MAN2A1: variants seen among roughly 807,000 people sequenced by gnomAD.
The protein encoded by MAN2A1 is mannosidase alpha class 2A member 1, also known as alpha-mannosidase 2.
A neutral mutation model predicts 142.6 loss-of-function variants in MAN2A1; 76 were observed. The ratio of observed to expected loss-of-function variants is 0.53; its 90% CI spans 0.44 to 0.65. MAN2A1 has a LOEUF of 0.65. Ranked by LOEUF, MAN2A1 falls within the 30% of genes least tolerant of loss-of-function variation. The probability of loss-of-function intolerance (pLI) is 0.00; values close to 1 mark genes in which losing one functional copy is unlikely to be tolerated. For missense variants in MAN2A1, 1,311 were observed against 1,365.1 expected (o/e 0.96, Z 0.62); for synonymous variants, 559 against 473.2 (o/e 1.18, Z -2.35).
chr5:109,815,846 C>G (rs1251700024), intron 12 of MAN2A1, among the ~76,000 whole-genome samples: 1 of 152,180 alleles, frequency 6.6e-6, no homozygotes, highest in Non-Finnish European at 1.5e-5. Context: ...TGTTATCCAA[C>G]TATTCAGTGT....
At chr5:109,787,073 A>G (rs1256940816) in intron 10 of MAN2A1, among the ~76,000 whole-genome samples, 2 of 152,088 alleles carry the variant, frequency 1.3e-5, no homozygotes, top group African/African-American at 4.8e-5. Flanking sequence ...TAATCATGGC[A>G]TGAAAAAAAT....
chr5:109,832,168 T>C (rs1446118975), intron 16 of MAN2A1, among the ~76,000 whole-genome samples: 2 of 144,774 alleles, frequency 1.4e-5, no homozygotes, highest in African/African-American at 2.5e-5. Flanking sequence ...TTTCTTTTTT[T>C]TTTTTTTTTT....
At chr5:109,736,184 A>AAC (rs753023346) in intron 4 of MAN2A1, among the ~76,000 whole-genome samples, 11 of 151,872 alleles carry the variant, frequency 7.2e-5, no homozygotes, top group Non-Finnish European at 1.2e-4. Context: ...TGCATGCATA[A>AAC]ACACACACAC....
intron 4 of MAN2A1, among the ~76,000 whole-genome samples, chr5:109,738,240 T>C (rs1320577523): frequency 6.6e-6 from 1 of 151,100 alleles, no homozygotes; most frequent in African/African-American, 2.4e-5. Context: ...TATGTTTTTT[T>C]TTTTTTTTTT....
intron 12 of MAN2A1, among the ~76,000 whole-genome samples, chr5:109,816,298 T>C (rs1754456807): frequency 6.6e-6 from 1 of 152,268 alleles, no homozygotes; most frequent in South Asian, 2.1e-4. Context: ...AATATGCTGG[T>C]ATAAAATATT....
At chr5:109,781,714 C>CCTG in intron 9 of MAN2A1, 116 bp downstream of exon 9, 1 of 547,204 alleles carries the variant, frequency 1.8e-6, no homozygotes, top group Non-Finnish European at 2.9e-6. Context: ...GTGTTAAGCT[C>CCTG]TAATTAAGCA....
chr5:109,833,192 G>A (rs1256495609), intron 16 of MAN2A1, among the ~76,000 whole-genome samples: 14 of 145,668 alleles, frequency 9.6e-5, no homozygotes, highest in Admixed American at 6.1e-4. Context: ...CAGACTGGGC[G>A]GCCGGGCAGA....
chr5:109,826,276 GA>G (rs1461666959), intron 16 of MAN2A1, among the ~76,000 whole-genome samples: 2 of 151,890 alleles, frequency 1.3e-5, no homozygotes, highest in African/African-American at 4.8e-5. Flanking sequence ...TCGGGCATAT[GA>G]AAAAAATAAT....
chr5:109,766,506 A>G (rs532318333), intron 5 of MAN2A1, among the ~76,000 whole-genome samples: 6 of 152,098 alleles, frequency 3.9e-5, no homozygotes, highest in African/African-American at 1.4e-4. Context: ...CTGGCTCCCC[A>G]TGTCTATGTT....
At chr5:109,794,553 G>A (rs961756076) in intron 12 of MAN2A1, among the ~76,000 whole-genome samples, 7 of 151,992 alleles carry the variant, frequency 4.6e-5, no homozygotes, top group Non-Finnish European at 7.4e-5. Flanking sequence ...TTGACATCCT[G>A]GACCCTCTCC....
Position 109,867,557 on chromosome 5 carries a change from G to C in MAN2A1, c.*559G>C, listed in dbSNP as rs1755918089. The C allele has an allele frequency of 6.6e-6, 1 of 152,556 alleles. No homozygotes were observed. The highest frequency in any genetic ancestry group is 2.4e-5 in the African/African-American group (1 of 41,438). 9.5% of individuals were successfully genotyped at this position (152,556 alleles called of 1,614,324 possible). On this transcript the variant is annotated 3_prime_UTR_variant, in exon 22 of 22. Transcript: ENST00000261483. Reference sequence around the variant, plus strand: ...GATGATTTTTATACCTTTTTCTGATGTACCTCTTGACCTTCTCCTTCCCTT... The same window carrying C: ...GATGATTTTTATACCTTTTTCTGATCTACCTCTTGACCTTCTCCTTCCCTT...
intron 19 of MAN2A1, among the ~76,000 whole-genome samples, chr5:109,850,989 G>A (rs1382231409): frequency 6.6e-6 from 1 of 152,150 alleles, no homozygotes; most frequent in Non-Finnish European, 1.5e-5. Flanking sequence ...TTTCTAGAAA[G>A]AGTTCTTAAT....
intron 5 of MAN2A1, among the ~76,000 whole-genome samples, chr5:109,759,687 A>G (rs990899164): frequency 1.3e-5 from 2 of 152,186 alleles, no homozygotes; most frequent in Non-Finnish European, 2.9e-5. Context: ...AGAGTTTTCC[A>G]AAGTGGTGGT....
At chr5:109,702,017 T>A (rs944953347) in intron 1 of MAN2A1, among the ~76,000 whole-genome samples, 1 of 152,208 alleles carries the variant, frequency 6.6e-6, no homozygotes, top group African/African-American at 2.4e-5. Context: ...CGAGAATGAA[T>A]GAGCTCACTT....
At chr5:109,761,092 A>G (rs1363897767) in intron 5 of MAN2A1, among the ~76,000 whole-genome samples, 1 of 151,036 alleles carries the variant, frequency 6.6e-6, no homozygotes, top group Non-Finnish European at 1.5e-5. Context: ...GCATGTGTAT[A>G]TGTGTGGTCT....
chr5:109,777,403 T>C (rs1031048878), intron 8 of MAN2A1, among the ~76,000 whole-genome samples: 4 of 152,092 alleles, frequency 2.6e-5, no homozygotes, highest in Non-Finnish European at 4.4e-5. Context: ...TGATGATTTT[T>C]TAATTAAATT....
chr5:109,746,873 T>G (rs374747817), intron 4 of MAN2A1, among the ~76,000 whole-genome samples: 1 of 152,200 alleles, frequency 6.6e-6, no homozygotes, highest in Non-Finnish European at 1.5e-5. Flanking sequence ...TTTTTGTCCT[T>G]TTCTGTCTGC....
At chr5:109,760,779 T>C (rs1752821340) in intron 5 of MAN2A1, among the ~76,000 whole-genome samples, 1 of 152,218 alleles carries the variant, frequency 6.6e-6, no homozygotes, top group Non-Finnish European at 1.5e-5. Context: ...TGTCTTCTTT[T>C]GAGAAGTGTC....
At chr5:109,755,823 C>G (rs895935098) in intron 5 of MAN2A1, among the ~76,000 whole-genome samples, 7 of 151,766 alleles carry the variant, frequency 4.6e-5, no homozygotes, top group African/African-American at 1.7e-4. Flanking sequence ...ACTGAGTGTT[C>G]CAGAGATACG....
Sources: gnomAD v4.1 joint callset for allele counts (sites outside exome capture counted in the v4.1 genomes callset) on GRCh38, gnomAD v4.1.1 for gene constraint, MANE v1.5 for transcripts, NCBI Gene and HGNC (gene_info 2026-07-23, HGNC 2026-07-21) for gene names.